The following EFR3B variants were observed in gnomAD, a reference collection of about 807,000 sequenced individuals.
The protein encoded by EFR3B is protein EFR3 homolog B.
Under a neutral mutation model 104.7 loss-of-function variants are expected in EFR3B, and 64 were observed. The ratio of observed to expected loss-of-function variants is 0.61; its 90% CI spans 0.50 to 0.75. EFR3B has a LOEUF of 0.75. Among genes scored for constraint, EFR3B ranks in the 30% least tolerant of loss-of-function variants. The pLI, the probability that EFR3B is intolerant of heterozygous loss-of-function variation, is 0.00. For missense variants in EFR3B, 750 were observed against 1,078.5 expected (o/e 0.70, Z 4.27); for synonymous variants, 385 against 417.9 (o/e 0.92, Z 0.96).
chr2:25,080,072 C>T, intron 1 of EFR3B: 1 of 890,396 alleles, frequency 1.1e-6, no homozygotes, highest in Non-Finnish European at 1.9e-6. Flanking sequence ...TACCTTGTAA[C>T]CCCCACAACA....
chr2:25,126,715 C>G (rs1043697670), intron 5 of EFR3B, among the ~76,000 whole-genome samples: 1 of 151,642 alleles, frequency 6.6e-6, no homozygotes, highest in African/African-American at 2.4e-5. Flanking sequence ...AGGCTGGTCT[C>G]GAACTCCTGA....
At chr2:25,098,159 C>G (rs564735476) in intron 3 of EFR3B, among the ~76,000 whole-genome samples, 1 of 152,228 alleles carries the variant, frequency 6.6e-6, no homozygotes, top group East Asian at 1.9e-4. Flanking sequence ...GCCCTCTCTC[C>G]CTACTTCTGG....
chr2:25,153,645 T>C, intron 21 of EFR3B, 67 bp from the exon 22 acceptor site: 1 of 1,521,064 alleles, frequency 6.6e-7, no homozygotes. Flanking sequence ...CTGGACACCC[T>C]GAGCCAGCTG....
chr2:25,112,520 A>G (rs902740197), intron 4 of EFR3B, among the ~76,000 whole-genome samples: 12 of 152,242 alleles, frequency 7.9e-5, no homozygotes, highest in African/African-American at 2.9e-4. Flanking sequence ...GGTTGGCAGG[A>G]CATGATCAAG....
At chr2:25,065,149 C>T (rs924666645) in intron 1 of EFR3B, among the ~76,000 whole-genome samples, 20 of 152,030 alleles carry the variant, frequency 1.3e-4, no homozygotes, top group African/African-American at 4.8e-4. Flanking sequence ...ACAACAGCTT[C>T]TGTTGTTATT....
At chr2:25,135,344 A>G in intron 12 of EFR3B, 123 bp from the exon 13 acceptor site, 1 of 1,167,336 alleles carries the variant, frequency 8.6e-7, no homozygotes, top group African/African-American at 1.5e-5. Flanking sequence ...GGGAGGCTGG[A>G]TTGGGCGATG....
chr2:25,111,663 A>G (rs745568759), intron 4 of EFR3B, among the ~76,000 whole-genome samples: 4 of 152,242 alleles, frequency 2.6e-5, no homozygotes, highest in Non-Finnish European at 5.9e-5. Context: ...GGTGGGCCTG[A>G]TATAATCTCA....
chr2:25,055,189 G>A (rs1667985205), intron 1 of EFR3B, among the ~76,000 whole-genome samples: 1 of 152,218 alleles, frequency 6.6e-6, no homozygotes, highest in Non-Finnish European at 1.5e-5. Context: ...TCCTAAGCAA[G>A]CATTCACAGA....
rs1214426949 is a variant in EFR3B at position 25,157,650 on chromosome 2, T to C, written c.*3310T>C. The C allele has an allele frequency of 6.6e-6, 1 of 152,246 alleles. No homozygotes were observed. Among genetic ancestry groups the C allele is most frequent in the Non-Finnish European group, 1.5e-5 (1 of 68,086 alleles). The allele number at this position is 152,246 out of a possible 1,614,324, so 9.4% of individuals were successfully genotyped here. On this transcript the variant is annotated 3_prime_UTR_variant, in exon 23 of 23. Coordinates refer to ENST00000403714, the MANE Select transcript of EFR3B (RefSeq NM_014971.2). ...TGACAGCACTGAGTAGGCAGGAATG[T>C]ATTTGAGATTTGGAAGTACTGTTAA...
At chr2:25,068,930 CTTTT>C (rs571830012) in intron 1 of EFR3B, among the ~76,000 whole-genome samples, 1 of 80,994 alleles carries the variant, frequency 1.2e-5, no homozygotes. Flanking sequence ...CGCCCGGCAT[CTTTT>C]TTTTTTTTTT....
intron 13 of EFR3B, 24 bp downstream of exon 13, chr2:25,135,663 G>A (rs762519679): frequency 4.5e-6 from 7 of 1,551,570 alleles, no homozygotes; most frequent in African/African-American, 2.7e-5. Flanking sequence ...GTCTCCTCCA[G>A]GCAATGCAAG....
At chr2:25,116,587 G>T (rs1268912923) in intron 4 of EFR3B, among the ~76,000 whole-genome samples, 1 of 152,048 alleles carries the variant, frequency 6.6e-6, no homozygotes, top group Non-Finnish European at 1.5e-5. Flanking sequence ...TGGCGCCACT[G>T]CACTCCAGCT....
rs34093086 is a variant in EFR3B at position 25,147,216 on chromosome 2, CT to C, written c.2142+2168del. On this transcript the variant is annotated intron_variant, in intron 19 of 22. Coordinates refer to ENST00000403714, the MANE Select transcript of EFR3B (RefSeq NM_014971.2). ...TCTCTTGCCCAGAGAGCGGCATTTT[CT>C]TTGACTGTTGCCACCACACAGTTCC... 98 of 152,346 alleles carry C rather than the reference CT, an allele frequency of 6.4e-4. 1 individual carries two copies. The highest frequency in any genetic ancestry group is 2.1e-3 in the African/African-American group (89 of 41,586). 9.4% of individuals were successfully genotyped at this position (152,346 alleles called of 1,614,324 possible).
At chr2:25,043,826 A>G (rs936005224) in intron 1 of EFR3B, among the ~76,000 whole-genome samples, 1 of 152,216 alleles carries the variant, frequency 6.6e-6, no homozygotes, top group Non-Finnish European at 1.5e-5. Flanking sequence ...GCTGCAGATC[A>G]TTTGACAAAA....
Position 25,042,101 on chromosome 2 carries a change from G to A in EFR3B, c.-212G>A. 3.0e-6 allele frequency: 1 copy of A among 330,264 alleles called. No individual in the cohort carries two copies. The highest frequency in any genetic ancestry group is 5.3e-6 in the Non-Finnish European group (1 of 187,848). 20.5% of individuals were successfully genotyped at this position (330,264 alleles called of 1,614,324 possible). On this transcript the variant is annotated 5_prime_UTR_variant, in exon 1 of 23. Transcript: ENST00000403714. The surrounding 1 kb of genome is among the most constrained non-coding windows in gnomAD (Gnocchi z 5.4). ...AGCAGTGCCCAGCAACCCGAGCGGAGGCGGCCGCTGCAGCCCGGCGCTGAA... is the reference window on the plus strand; with the variant it reads ...AGCAGTGCCCAGCAACCCGAGCGGAAGCGGCCGCTGCAGCCCGGCGCTGAA...
chr2:25,121,034 CT>C (rs1255851704), intron 4 of EFR3B, among the ~76,000 whole-genome samples: 2 of 152,118 alleles, frequency 1.3e-5, no homozygotes, highest in African/African-American at 4.8e-5. Flanking sequence ...CCCAAAGTAG[CT>C]GGAATTACAG....
intron 18 of EFR3B, among the ~76,000 whole-genome samples, chr2:25,144,554 A>C (rs1670762584): frequency 6.6e-6 from 1 of 152,076 alleles, no homozygotes; most frequent in African/African-American, 2.4e-5. Flanking sequence ...AAAAAAAAAC[A>C]AAAAAACAAA....
intron 1 of EFR3B, chr2:25,081,624 C>G (rs1465803004): frequency 2.8e-6 from 2 of 717,678 alleles, no homozygotes; most frequent in Admixed American, 4.3e-5. Context: ...GCAGGGCTGT[C>G]CAGAGAAGGT....
chr2:25,122,433 C>T (rs1229096709), intron 5 of EFR3B, among the ~76,000 whole-genome samples: 1 of 152,114 alleles, frequency 6.6e-6, no homozygotes, highest in African/African-American at 2.4e-5. Flanking sequence ...CATTTATACT[C>T]CAGAAACACA....
Sources: allele counts gnomAD v4.1 joint callset (sites outside exome capture counted in the v4.1 genomes callset), GRCh38; gene constraint gnomAD v4.1.1; non-coding constraint Gnocchi (gnomAD v3.1); transcripts MANE v1.5; gene names NCBI Gene and HGNC (gene_info 2026-07-23, HGNC 2026-07-21).